ASTN2: variants seen among roughly 807,000 people sequenced by gnomAD.
ASTN2 encodes the protein astrotactin-2.
A neutral mutation model predicts 139.8 loss-of-function variants in ASTN2; 54 were observed. The observed-to-expected ratio is 0.39, with a 90% confidence interval of 0.31 to 0.48. The LOEUF (loss-of-function observed/expected upper bound fraction) is 0.48. Among genes scored for constraint, ASTN2 ranks in the 20% least tolerant of loss-of-function variants. ASTN2 has a pLI of 0.95. For synonymous variants in ASTN2, 756 were observed against 719.5 expected, an observed-to-expected ratio of 1.05 and a Z score of -0.81; for missense variants, 1,565 against 1,725.1, an observed-to-expected ratio of 0.91 and a Z score of 1.64.
chr9:117,183,927 G>A (rs1429806781), intron 3 of ASTN2, among the ~76,000 whole-genome samples: 2 of 152,140 alleles, frequency 1.3e-5, no homozygotes, highest in Non-Finnish European at 2.9e-5. Context: ...CTTGCAATGT[G>A]AGGACACAGT....
chr9:117,393,363 G>GACAC (rs1030408580), intron 1 of ASTN2, among the ~76,000 whole-genome samples: 3 of 151,834 alleles, frequency 2.0e-5, no homozygotes, highest in Admixed American at 2.0e-4. Context: ...TGGAAAGACA[G>GACAC]ACACACAAAC....
chr9:117,060,391 A>G lies in ASTN2; in HGVS notation c.1277-20426T>C, dbSNP rs866804397. ...GAAAGAAAGAAAGAAAGAAAGAAAG[A>G]AAGAAAGAAAGAAAGAAAGAAGGAA... On this transcript the variant is annotated intron_variant, in intron 5 of 22. Transcript: ENST00000313400. Among the ~76,000 whole-genome samples the G allele has an allele frequency of 3.9e-4, 31 of 78,658 alleles. 1 individual carries two copies. The highest frequency in any genetic ancestry group is 1.9e-3 in the African/African-American group (29 of 15,234). The allele number at this position is 78,658 out of a possible 152,430, so 51.6% of individuals were successfully genotyped here. A position where few individuals can be genotyped will look rare whatever the true frequency, so the allele number is the denominator to read the frequency against.
At chr9:117,030,471 A>T (rs1838215646) in intron 6 of ASTN2, among the ~76,000 whole-genome samples, 1 of 152,200 alleles carries the variant, frequency 6.6e-6, no homozygotes, top group African/African-American at 2.4e-5. Context: ...AAACTCAGTT[A>T]TCTCTTTTGT....
chr9:116,734,489 T>C (rs893028881), intron 13 of ASTN2, among the ~76,000 whole-genome samples: 10 of 152,114 alleles, frequency 6.6e-5, no homozygotes, highest in African/African-American at 2.4e-4. Flanking sequence ...TCGAGGTCTT[T>C]TCCAAATTAA....
At chr9:116,736,806 T>C (rs914042838) in intron 13 of ASTN2, among the ~76,000 whole-genome samples, 1 of 152,240 alleles carries the variant, frequency 6.6e-6, no homozygotes. Context: ...AGAAATGTTC[T>C]TACAATTGTA....
At position 116,660,560 on chromosome 9, in the gene ASTN2, G is replaced by A. The variant is rs28417936; in HGVS notation, c.2807-8767C>T. ...TTAATGAAAAATATCCAATGCTAGC[G>A]TGTCAAGAGCATCATCAGAGGTCAT... On this transcript the variant is annotated intron_variant, in intron 16 of 22. Transcript: ENST00000313400. Among the ~76,000 whole-genome samples the A allele has an allele frequency of 5.3e-3, 812 of 152,286 alleles. 6 individuals are homozygous for A. Among genetic ancestry groups the A allele is most frequent in the African/African-American group, 0.018 (765 of 41,550 alleles).
chr9:116,928,158 T>A (rs568805814), intron 10 of ASTN2, among the ~76,000 whole-genome samples: 7 of 152,138 alleles, frequency 4.6e-5, no homozygotes, highest in Non-Finnish European at 7.3e-5. Context: ...ACCTGGCAGA[T>A]GCCGTATGTG....
At chr9:117,193,774 T>C (rs1402077982) in intron 3 of ASTN2, among the ~76,000 whole-genome samples, 2 of 152,178 alleles carry the variant, frequency 1.3e-5, no homozygotes, top group African/African-American at 4.8e-5. Context: ...TTAAAACAAT[T>C]CTGCCCATTC....
At chr9:116,810,769 T>C (rs913447820) in intron 12 of ASTN2, among the ~76,000 whole-genome samples, 1 of 152,196 alleles carries the variant, frequency 6.6e-6, no homozygotes, top group East Asian at 1.9e-4. Context: ...ATAAGATAGA[T>C]GTTATCCATT....
intron 17 of ASTN2, among the ~76,000 whole-genome samples, chr9:116,629,262 C>T (rs989306348): frequency 1.7e-4 from 26 of 152,098 alleles, no homozygotes; most frequent in African/African-American, 4.8e-4. Flanking sequence ...GGACTCCAGG[C>T]GCCTGCCACC....
At position 116,699,241 on chromosome 9, in the gene ASTN2, G is replaced by A. The variant is rs759025665; in HGVS notation, c.2806+26530C>T. 19 of 1,614,082 alleles carry A rather than the reference G, an allele frequency of 1.2e-5. No individual in the cohort carries two copies. Among genetic ancestry groups the A allele is most frequent in the East Asian group, 2.2e-5 (1 of 44,874 alleles). On this transcript the variant is annotated intron_variant, in intron 16 of 22. Transcript: ENST00000313400. The surrounding 1 kb of genome is among the most constrained non-coding windows in gnomAD (Gnocchi z 4.2). ...AAGCTTTGGTGTTTCACAGTTGATC[G>A]AGGATCAGGGGTGGTCAAATACAGC... is the stretch of plus-strand genomic sequence containing the variant.
chr9:117,310,968 C>A (rs748724056), intron 1 of ASTN2, among the ~76,000 whole-genome samples: 45 of 152,108 alleles, frequency 3.0e-4, no homozygotes, highest in Non-Finnish European at 5.1e-4. Flanking sequence ...TGAGATTGAA[C>A]CCCAGTTGCC....
chr9:117,295,321 TTAAAA>T (rs994084369), intron 1 of ASTN2, among the ~76,000 whole-genome samples: 60 of 151,736 alleles, frequency 4.0e-4, no homozygotes, highest in African/African-American at 1.3e-3. Flanking sequence ...GACCCTGTCT[TTAAAA>T]TAAAATAAAA....
chr9:116,728,029 A>T (rs751555791), intron 15 of ASTN2, among the ~76,000 whole-genome samples: 2 of 152,206 alleles, frequency 1.3e-5, no homozygotes, highest in Non-Finnish European at 2.9e-5. Context: ...ACACTCAGAC[A>T]ATAAACCAGT....
chr9:116,484,981 C>T (rs780330718), intron 20 of ASTN2, among the ~76,000 whole-genome samples: 2 of 152,186 alleles, frequency 1.3e-5, no homozygotes, highest in Non-Finnish European at 2.9e-5. Flanking sequence ...TACAGCGTCA[C>T]CCAGAGACAG....
chr9:116,467,407 C>T (rs1324097485), intron 20 of ASTN2, among the ~76,000 whole-genome samples: 1 of 152,180 alleles, frequency 6.6e-6, no homozygotes, highest in African/African-American at 2.4e-5. Context: ...GCTGGGACTA[C>T]AGGCGCACGC....
intron 5 of ASTN2, among the ~76,000 whole-genome samples, chr9:117,054,939 A>G (rs1291886851): frequency 6.6e-6 from 1 of 152,210 alleles, no homozygotes; most frequent in Non-Finnish European, 1.5e-5. Flanking sequence ...CATAAGGAGC[A>G]CAACCTAGAC....
chr9:116,876,580 A>G (rs1833306017), intron 10 of ASTN2, among the ~76,000 whole-genome samples: 1 of 152,316 alleles, frequency 6.6e-6, no homozygotes, highest in Non-Finnish European at 1.5e-5. Flanking sequence ...AGTTGTTACA[A>G]CAAACTTCAC....
At chr9:117,403,960 G>A (rs1830911259) in intron 1 of ASTN2, among the ~76,000 whole-genome samples, 1 of 152,134 alleles carries the variant, frequency 6.6e-6, no homozygotes, top group African/African-American at 2.4e-5. Flanking sequence ...AGGAGCATGA[G>A]GGAGTGGAAA....
Sources: gnomAD v4.1 joint callset for allele counts (sites outside exome capture counted in the v4.1 genomes callset) on GRCh38, gnomAD v4.1.1 for gene constraint, Gnocchi (gnomAD v3.1) non-coding constraint, MANE v1.5 for transcripts, NCBI Gene and HGNC (gene_info 2026-07-23, HGNC 2026-07-21) for gene names.